CCDC191: variants seen among roughly 807,000 people sequenced by gnomAD.
CCDC191 encodes coiled-coil domain-containing protein 191.
A neutral mutation model predicts 114.0 loss-of-function variants in CCDC191; 99 were observed. The ratio of observed to expected loss-of-function variants is 0.87; its 90% confidence interval spans 0.74 to 1.03. CCDC191 has a LOEUF of 1.03. Among genes scored for constraint, CCDC191 ranks in the 50% least tolerant of loss-of-function variants. CCDC191 has a pLI of 0.00. For missense variants in CCDC191, 973 were observed against 1,087.0 expected (o/e 0.90, Z 1.47); for synonymous variants, 351 against 376.0 (o/e 0.93, Z 0.77).
At chr3:114,006,603 TATATATATATATATAA>T (rs1252823661) in intron 9 of CCDC191, among the ~76,000 whole-genome samples, 20 of 133,336 alleles carry the variant, frequency 1.5e-4, no homozygotes, top group East Asian at 4.6e-4. Flanking sequence ...TATATATATA[TATATATATATATATAA>T]ATATATATAT....
At position 114,042,850 on chromosome 3, in the gene CCDC191, C is replaced by T; in HGVS notation, c.272-4G>A. On this transcript the variant is annotated splice_polypyrimidine_tract_variant and splice_region_variant and intron_variant, in intron 3 of 16. Coordinates refer to ENST00000295878, the MANE Select transcript of CCDC191 (RefSeq NM_020817.2). ...CAGTCATTGACCAGCTCCTGAGCTA[C>T]AATAAAACAAAAACATGTTAAGTAT... 1 of 1,581,168 alleles carries T rather than the reference C, an allele frequency of 6.3e-7. No homozygotes were observed. The highest frequency in any genetic ancestry group is 8.5e-7 in the Non-Finnish European group (1 of 1,169,844).
chr3:114,008,269 C>A (rs972476850), intron 9 of CCDC191, among the ~76,000 whole-genome samples: 1 of 149,208 alleles, frequency 6.7e-6, no homozygotes, highest in African/African-American at 2.5e-5. Flanking sequence ...TGTCTTGGGT[C>A]TCAATGGAGA....
intron 3 of CCDC191, among the ~76,000 whole-genome samples, chr3:114,043,658 A>G (rs973154169): frequency 2.0e-5 from 3 of 152,236 alleles, no homozygotes; most frequent in African/African-American, 7.2e-5. Flanking sequence ...GTGAGCACAG[A>G]GGTGATATAT....
chr3:114,027,601 C>CAAAAAAAAAAAAA (rs67548547), intron 7 of CCDC191, among the ~76,000 whole-genome samples: 1 of 60,136 alleles, frequency 1.7e-5, no homozygotes, highest in African/African-American at 6.9e-5. Context: ...GACTCTGTCT[C>CAAAAAAAAAAAAA]AAAAAAAAAA....
chr3:114,031,520 G>T, intron 7 of CCDC191, 106 bp downstream of exon 7: 2 of 946,020 alleles, frequency 2.1e-6, no homozygotes, highest in Non-Finnish European at 3.3e-6. Context: ...TTTGGTATTT[G>T]TGATGAGGTT....
chr3:113,965,310 T>A lies in CCDC191; in HGVS notation c.2656A>T (p.Met886Leu). Residue 886 changes from methionine (M) to leucine (L), a missense_variant, in exon 17 of 17, where the codon ATG becomes TTG. By Grantham distance (15) the Met-to-Leu change is conservative. Transcript: ENST00000295878. The part of the protein sequence containing the change: ...LRTWKKFVKF[M>L]KEERVKEERR... ...TCTTCTTTTACTCTTTCCTCTTTCA[T>A]AAATTTTACAAACTTCTTCCATGTC... The A allele has an allele frequency of 2.5e-6, 4 of 1,610,870 alleles. No individual in the cohort carries two copies. Among genetic ancestry groups the A allele is most frequent in the Non-Finnish European group, 3.4e-6 (4 of 1,178,664 alleles).
intron 7 of CCDC191, among the ~76,000 whole-genome samples, chr3:114,022,043 C>T (rs1405388212): frequency 5.3e-5 from 8 of 152,094 alleles, no homozygotes; most frequent in Middle Eastern, 3.2e-3. Context: ...GAAGGAAGAA[C>T]TGTTCCTAAG....
chr3:114,008,227 G>A (rs537065536), intron 9 of CCDC191, among the ~76,000 whole-genome samples: 3 of 148,548 alleles, frequency 2.0e-5, no homozygotes, highest in Non-Finnish European at 4.4e-5. Context: ...AAGGTAAAAG[G>A]TTCCATACAG....
Position 114,002,550 on chromosome 3 carries a change from T to C in CCDC191, c.1979-12A>G. The C allele has an allele frequency of 1.9e-6, 3 of 1,589,840 alleles. No homozygotes were observed. Among genetic ancestry groups the C allele is most frequent in the Non-Finnish European group, 2.6e-6 (3 of 1,164,200 alleles). On this transcript the variant is annotated splice_polypyrimidine_tract_variant and intron_variant, in intron 11 of 16. Transcript: ENST00000295878. ...TCTCTCTTCCATAGCTAGAAAATAG[T>C]AACAGAGTTCTAATATTTTTTATAT... is the stretch of plus-strand genomic sequence containing the variant.
Position 114,005,638 on chromosome 3 carries a change from G to C in CCDC191, c.1738C>G (p.Leu580Val). The change falls in exon 10 of 17, where the codon CTG (leucine) becomes GTG (valine). Residue 580 changes from leucine (L) to valine (V), a missense_variant. Transcript: ENST00000295878. ...TCTGCCAGCTGCAGGTTTTTCTTCA[G>C]CTCGAGAATTGTTTTCTGCTGTTCC... ...LQEQQKTILE[L>V]KKNLQLAEAQ... The C allele has an allele frequency of 6.2e-7, 1 of 1,614,142 alleles. No homozygotes were observed. The highest frequency in any genetic ancestry group is 8.5e-7 in the Non-Finnish European group (1 of 1,180,006).
Position 114,018,822 on chromosome 3 carries a change from T to A in CCDC191, c.1019A>T (p.His340Leu), listed in dbSNP as rs780318300. Residue 340 changes from histidine to leucine, a missense_variant, in exon 8 of 17, where the codon CAT becomes CTT. Transcript: ENST00000295878. ...FAAWHKLILD[H>L]RIKLGKAGTL... ...CCCAGCTTTCCCCAGCTTAATCCTA[T>A]GATCAAGAATCAGCTTGTGCCAGGC... 1.9e-6 allele frequency: 3 copies of A among 1,613,892 alleles called. No individual in the cohort carries two copies. In the Admixed American group the frequency reaches 5.0e-5, roughly 27 times the overall value.
intron 16 of CCDC191, 78 bp downstream of exon 16, chr3:113,978,108 A>C: frequency 1.3e-6 from 2 of 1,512,146 alleles, no homozygotes; most frequent in Admixed American, 1.7e-5. Context: ...ATCTCTGCAG[A>C]CACATTGTAG....
chr3:113,981,770 A>G (rs942152922), intron 13 of CCDC191, among the ~76,000 whole-genome samples: 2 of 152,204 alleles, frequency 1.3e-5, no homozygotes, highest in African/African-American at 4.8e-5. Context: ...GGAAGGAAGA[A>G]TTGCTCTAAT....
intron 16 of CCDC191, among the ~76,000 whole-genome samples, chr3:113,976,074 T>C (rs1260358186): frequency 1.3e-5 from 2 of 150,736 alleles, no homozygotes; most frequent in African/African-American, 4.8e-5. Flanking sequence ...CTGGGCAGCA[T>C]GGTAAAAAAC....
chr3:114,025,179 A>G lies in CCDC191; in HGVS notation c.973-6311T>C, dbSNP rs375329582. Among the ~76,000 whole-genome samples, 3 of 149,564 alleles carry G rather than the reference A, an allele frequency of 2.0e-5. No homozygotes were observed. In the South Asian group the frequency reaches 6.4e-4, roughly 32 times the overall value. ...TACCCCGGCTATAGACAAAAAAACTATGTCTGTTATATCCTGGAATATGTG... is the reference window on the plus strand; with the variant it reads ...TACCCCGGCTATAGACAAAAAAACTGTGTCTGTTATATCCTGGAATATGTG... On this transcript the variant is annotated intron_variant, in intron 7 of 16. Transcript: ENST00000295878.
intron 13 of CCDC191, among the ~76,000 whole-genome samples, chr3:113,987,455 C>T (rs1270996956): frequency 1.3e-5 from 2 of 151,972 alleles, no homozygotes; most frequent in Non-Finnish European, 2.9e-5. Context: ...TTATAGTATA[C>T]ATAAAAATAT....
Position 114,009,405 on chromosome 3 carries a change from T to C in CCDC191, c.1413+1367A>G, listed in dbSNP as rs563064925. Among the ~76,000 whole-genome samples, 19 of 152,304 alleles carry C rather than the reference T, an allele frequency of 1.2e-4. No individual in the cohort carries two copies. The East Asian group carries it at 3.7e-3, about 29-fold the overall frequency. ...AATATTTTCCTTCTTTATATACTTA[T>C]TCCATAAGCTTTTTTTTCCTGTTTT... On this transcript the variant is annotated intron_variant, in intron 9 of 16. Transcript: ENST00000295878.
intron 7 of CCDC191, among the ~76,000 whole-genome samples, chr3:114,026,903 CTT>C (rs1293617073): frequency 2.0e-5 from 3 of 152,210 alleles, no homozygotes; most frequent in Non-Finnish European, 4.4e-5. Flanking sequence ...CATATTTTAT[CTT>C]TCTCTTCAGT....
chr3:113,971,087 G>A (rs1474235525), intron 16 of CCDC191, among the ~76,000 whole-genome samples: 3 of 152,130 alleles, frequency 2.0e-5, no homozygotes, highest in African/African-American at 7.2e-5. Flanking sequence ...ACCCAGTAAC[G>A]GGATGGGTGG....
Sources: gnomAD v4.1 joint callset for allele counts (sites outside exome capture counted in the v4.1 genomes callset) on GRCh38, gnomAD v4.1.1 for gene constraint, MANE v1.5 for transcripts, NCBI Gene and HGNC (gene_info 2026-07-23, HGNC 2026-07-21) for gene names.